TNFRSF21: variants seen among roughly 807,000 people sequenced by gnomAD.
TNFRSF21 encodes TNF receptor superfamily member 21.
Under a neutral mutation model 45.6 loss-of-function variants are expected in TNFRSF21, and 19 were observed. The ratio of observed to expected loss-of-function variants is 0.42; its 90% CI spans 0.29 to 0.61. The LOEUF (loss-of-function observed/expected upper bound fraction) is 0.61, where lower values mean the gene tolerates loss of function less well. Among genes scored for constraint, TNFRSF21 ranks in the 20% least tolerant of loss-of-function variants. The pLI is 0.23. For missense variants in TNFRSF21, 737 were observed against 851.5 expected, an observed-to-expected ratio of 0.87 and a Z score of 1.67; for synonymous variants, 314 against 335.5, an observed-to-expected ratio of 0.94 and a Z score of 0.70.
intron 4 of TNFRSF21, among the ~76,000 whole-genome samples, chr6:47,237,831 C>G (rs963720403): frequency 6.6e-5 from 10 of 152,062 alleles, no homozygotes; most frequent in Non-Finnish European, 1.0e-4. Context: ...GGGTGGGTCA[C>G]TTGAGGTCAG....
chr6:47,264,168 A>G (rs756259487), intron 3 of TNFRSF21, among the ~76,000 whole-genome samples: 2 of 152,204 alleles, frequency 1.3e-5, no homozygotes, highest in African/African-American at 2.4e-5. Context: ...TTGCTTTTCA[A>G]TATCCCAAAC....
chr6:47,244,239 G>A (rs2281452), intron 4 of TNFRSF21, among the ~76,000 whole-genome samples: 13,699 of 151,120 alleles, frequency 0.091, 1,348 homozygotes, highest in East Asian at 0.47. Context: ...CAGGAGAATG[G>A]CGTGAACCCG....
intron 3 of TNFRSF21, among the ~76,000 whole-genome samples, chr6:47,283,293 C>T (rs1005925071): frequency 6.6e-6 from 1 of 152,140 alleles, no homozygotes; most frequent in Non-Finnish European, 1.5e-5. Flanking sequence ...ATGCTGACTA[C>T]CAGGAAAGAG....
At chr6:47,270,149 T>C (rs1348989403) in intron 3 of TNFRSF21, among the ~76,000 whole-genome samples, 1 of 152,162 alleles carries the variant, frequency 6.6e-6, no homozygotes, top group Non-Finnish European at 1.5e-5. Context: ...TCTCCCAGCA[T>C]GGCGTATGAG....
At chr6:47,289,839 C>T (rs1762697656) in intron 1 of TNFRSF21, among the ~76,000 whole-genome samples, 2 of 152,138 alleles carry the variant, frequency 1.3e-5, no homozygotes, top group South Asian at 4.2e-4. Context: ...ACTAAAAATA[C>T]AAAAATTAGC....
chr6:47,236,952 C>A (rs1308147693), intron 4 of TNFRSF21, among the ~76,000 whole-genome samples: 1 of 152,146 alleles, frequency 6.6e-6, no homozygotes, highest in East Asian at 1.9e-4. Context: ...TTCCTAAATT[C>A]ATTTGAAAAC....
At chr6:47,293,795 C>T (rs2113867691) in intron 1 of TNFRSF21, among the ~76,000 whole-genome samples, 1 of 152,318 alleles carries the variant, frequency 6.6e-6, no homozygotes, top group East Asian at 1.9e-4. Context: ...AAAGATAGGA[C>T]TTTCTCTGGA....
chr6:47,244,124 A>C (rs529288350), intron 4 of TNFRSF21, among the ~76,000 whole-genome samples: 1 of 152,276 alleles, frequency 6.6e-6, no homozygotes, highest in Admixed American at 6.5e-5. Flanking sequence ...GATAGAGACC[A>C]TCCTGGCTAA....
chr6:47,267,092 CTTTTTTTTTTTTG>C (rs1434412933), intron 3 of TNFRSF21, among the ~76,000 whole-genome samples: 2 of 145,230 alleles, frequency 1.4e-5, no homozygotes, highest in South Asian at 4.4e-4. Context: ...TTTCTTTTTT[CTTTTTTTTTTTTG>C]TTTTTGTTTT....
chr6:47,308,700 C>A (rs932384340), intron 1 of TNFRSF21, among the ~76,000 whole-genome samples: 1 of 152,224 alleles, frequency 6.6e-6, no homozygotes, highest in African/African-American at 2.4e-5. Flanking sequence ...ATCTCCTTCC[C>A]CCTCCCCCCA....
intron 4 of TNFRSF21, among the ~76,000 whole-genome samples, chr6:47,235,948 A>T (rs1020378214): frequency 6.6e-6 from 1 of 152,130 alleles, no homozygotes; most frequent in African/African-American, 2.4e-5. Context: ...TAGAGAATGG[A>T]TTTTAGGGAG....
At chr6:47,295,159 T>G (rs1490804022) in intron 1 of TNFRSF21, among the ~76,000 whole-genome samples, 4 of 152,194 alleles carry the variant, frequency 2.6e-5, no homozygotes, top group African/African-American at 9.7e-5. Context: ...TTCACCCTGG[T>G]GAGCCACACC....
intron 4 of TNFRSF21, among the ~76,000 whole-genome samples, chr6:47,251,413 G>A (rs1002912722): frequency 1.2e-4 from 18 of 152,140 alleles, no homozygotes; most frequent in Non-Finnish European, 5.9e-5. Flanking sequence ...AGAGATAAGG[G>A]GAAGGAAATA....
chr6:47,306,510 A>T (rs1219384694), intron 1 of TNFRSF21, among the ~76,000 whole-genome samples: 1 of 152,180 alleles, frequency 6.6e-6, no homozygotes, highest in Non-Finnish European at 1.5e-5. Flanking sequence ...TTTCTCAACT[A>T]TAAAAAGGAG....
At chr6:47,280,222 A>C (rs1762549300) in intron 3 of TNFRSF21, among the ~76,000 whole-genome samples, 1 of 152,182 alleles carries the variant, frequency 6.6e-6, no homozygotes, top group Non-Finnish European at 1.5e-5. Context: ...ATAGAAAACA[A>C]CCCAAGGCTA....
At position 47,234,899 on chromosome 6, in the gene TNFRSF21, C is replaced by A; in HGVS notation, c.1510-1G>T. Reference sequence around the variant, plus strand: ...GGAGAGCTAGTTTGTCAGTTTCCAGCTGTAGGAGGGAAAATTTTTTTTTAT... The same window carrying A: ...GGAGAGCTAGTTTGTCAGTTTCCAGATGTAGGAGGGAAAATTTTTTTTTAT... On this transcript the variant is annotated splice_acceptor_variant, in intron 4 of 5. Transcript: ENST00000296861. LOFTEE classifies it high-confidence loss of function. The A allele has an allele frequency of 1.5e-6, 2 of 1,345,940 alleles. No homozygotes were observed. The highest frequency in any genetic ancestry group is 2.2e-5 in the South Asian group (1 of 46,498). 83.4% of individuals were successfully genotyped at this position (1,345,940 alleles called of 1,614,324 possible).
chr6:47,252,211 A>T (rs1036102775), intron 4 of TNFRSF21, among the ~76,000 whole-genome samples: 1 of 152,232 alleles, frequency 6.6e-6, no homozygotes, highest in Non-Finnish European at 1.5e-5. Context: ...ATATAGAATG[A>T]TAGTAAACTG....
chr6:47,284,127 A>G lies in TNFRSF21; in HGVS notation c.1054T>C (p.Trp352Arg). ...AGCAGCAGGAAAAGCACAATCATCC[A>G]GGGCAAATGCTCATTGATGTCAAAA... ...KHFDINEHLP[W>R]MIVLFLLLVL... The change falls in exon 3 of 6, where the codon TGG (tryptophan) becomes CGG (arginine). Residue 352 changes from tryptophan (W) to arginine (R), a missense_variant. Coordinates refer to ENST00000296861, the MANE Select transcript of TNFRSF21 (RefSeq NM_014452.5). 6.2e-7 allele frequency: 1 copy of G among 1,614,232 alleles called. No individual in the cohort carries two copies. The highest frequency in any genetic ancestry group is 1.3e-5 in the African/African-American group (1 of 75,060).
chr6:47,251,237 T>C (rs1764897816), intron 4 of TNFRSF21, among the ~76,000 whole-genome samples: 1 of 152,190 alleles, frequency 6.6e-6, no homozygotes, highest in Admixed American at 6.5e-5. Flanking sequence ...TTGATGTATA[T>C]TGTTGAAATG....
Sources: allele counts gnomAD v4.1 joint callset (sites outside exome capture counted in the v4.1 genomes callset), GRCh38; gene constraint gnomAD v4.1.1; transcripts MANE v1.5; gene names NCBI Gene and HGNC (gene_info 2026-07-23, HGNC 2026-07-21).